The following UGT2B15 variants were observed in gnomAD, a reference collection of about 807,000 sequenced individuals.
UGT2B15 encodes the protein UDP-glucuronosyltransferase 2B15.
A neutral mutation model predicts 45.9 loss-of-function variants in UGT2B15; 36 were observed. The ratio of observed to expected loss-of-function variants is 0.78; its 90% confidence interval spans 0.60 to 1.04. The LOEUF is 1.04. Among genes scored for constraint, UGT2B15 ranks in the 50% least tolerant of loss-of-function variants. UGT2B15 has a pLI of 0.00. For synonymous variants in UGT2B15, 219 were observed against 216.4 expected, an observed-to-expected ratio of 1.01 and a Z score of -0.11; for missense variants, 617 against 622.4, an observed-to-expected ratio of 0.99 and a Z score of 0.09.
In UGT2B15 at chr4:68,647,099, T is replaced by C. The variant is rs376138126; in HGVS notation, c.*5A>G. 2.5e-6 allele frequency: 4 copies of C among 1,610,154 alleles called. No homozygotes were observed. The highest frequency in any genetic ancestry group is 3.4e-6 in the Non-Finnish European group (4 of 1,177,470). On this transcript the variant is annotated 3_prime_UTR_variant, in exon 6 of 6. Coordinates refer to ENST00000338206, the MANE Select transcript of UGT2B15 (RefSeq NM_001076.4). ...CAGTCATTCCACTTCAGGCTTTTGA[T>C]ATAACTAATCTCTTTTCTTCTTCTT...
intron 5 of UGT2B15, among the ~76,000 whole-genome samples, chr4:68,652,515 AGT>A (rs1732686554): frequency 6.6e-6 from 1 of 151,348 alleles, no homozygotes; most frequent in African/African-American, 2.4e-5. Flanking sequence ...TTTTTGGTAA[AGT>A]GTTTTTAATG....
intron 5 of UGT2B15, among the ~76,000 whole-genome samples, chr4:68,651,754 C>T (rs1732661110): frequency 6.6e-6 from 1 of 152,030 alleles, no homozygotes; most frequent in South Asian, 2.1e-4. Flanking sequence ...GTACCAGTAC[C>T]ATTCTGTTTT....
intron 2 of UGT2B15, among the ~76,000 whole-genome samples, chr4:68,665,779 G>A (rs1733101471): frequency 6.6e-6 from 1 of 152,132 alleles, no homozygotes; most frequent in Non-Finnish European, 1.5e-5. Context: ...AACAACGGAG[G>A]CTCACACTTG....
intron 3 of UGT2B15, among the ~76,000 whole-genome samples, chr4:68,655,591 A>G (rs961722567): frequency 6.6e-6 from 1 of 152,064 alleles, no homozygotes. Flanking sequence ...TCGAGAGGCT[A>G]ATCAGAAACT....
chr4:68,662,367 C>T lies in UGT2B15; in HGVS notation c.1005+641G>A, dbSNP rs2109831244. Among the ~76,000 whole-genome samples the T allele has an allele frequency of 1.3e-5, 2 of 151,178 alleles. 1 individual carries two copies. The highest frequency in any genetic ancestry group is 4.2e-4 in the South Asian group (2 of 4,796). On this transcript the variant is annotated intron_variant, in intron 3 of 5. Coordinates refer to ENST00000338206, the MANE Select transcript of UGT2B15 (RefSeq NM_001076.4). ...TTTTCTGCTTAAGACATTAGCGGCA[C>T]CCAAGTCAGCAGAGCAGACAAGTTT...
chr4:68,650,518 G>A (rs1732622739), intron 5 of UGT2B15, among the ~76,000 whole-genome samples: 2 of 152,010 alleles, frequency 1.3e-5, no homozygotes, highest in Non-Finnish European at 2.9e-5. Flanking sequence ...TAGTGTACAT[G>A]TATCATATTT....
At chr4:68,648,465 A>G (rs575056795) in intron 5 of UGT2B15, among the ~76,000 whole-genome samples, 23 of 152,132 alleles carry the variant, frequency 1.5e-4, no homozygotes, top group African/African-American at 5.3e-4. Context: ...TACCTCTTGG[A>G]GAGTCTTTTC....
chr4:68,662,196 C>T (rs1284619285), intron 3 of UGT2B15, among the ~76,000 whole-genome samples: 2 of 151,884 alleles, frequency 1.3e-5, no homozygotes, highest in Non-Finnish European at 2.9e-5. Flanking sequence ...AAGTTCCTAC[C>T]ATGTTTATTT....
At chr4:68,658,117 A>G (rs1199782834) in intron 3 of UGT2B15, among the ~76,000 whole-genome samples, 1 of 152,082 alleles carries the variant, frequency 6.6e-6, no homozygotes, top group Admixed American at 6.6e-5. Context: ...GAAACAGGTT[A>G]TCAAGAATTT....
At position 68,660,385 on chromosome 4, in the gene UGT2B15, G is replaced by A. The variant is rs191666235; in HGVS notation, c.1005+2623C>T. On this transcript the variant is annotated intron_variant, in intron 3 of 5. Coordinates refer to ENST00000338206, the MANE Select transcript of UGT2B15 (RefSeq NM_001076.4). ...AAGAGGAGAGGAATTCACCCAACTC[G>A]TAGGTATTTGATGGTAGAAATCTAT... 1.2e-3 allele frequency among the ~76,000 whole-genome samples: 181 copies of A among 151,700 alleles called. 1 individual carries two copies. The highest frequency in any genetic ancestry group is 3.8e-3 in the African/African-American group (158 of 41,192).
chr4:68,653,936 A>T, intron 5 of UGT2B15, 101 bp downstream of exon 5: 1 of 1,461,660 alleles, frequency 6.8e-7, no homozygotes, highest in South Asian at 1.3e-5. Context: ...AATCACTTCA[A>T]TCCCTTCAAA....
chr4:68,654,344 A>G lies in UGT2B15; in HGVS notation c.1094-88T>C, dbSNP rs577170421. On this transcript the variant is annotated intron_variant, in intron 4 of 5. Transcript: ENST00000338206. ...GCACAATATAAGGAACTTAAAGCAAAACTGTTCCCTAGGTAACATTATACC... is the reference window on the plus strand; with the variant it reads ...GCACAATATAAGGAACTTAAAGCAAGACTGTTCCCTAGGTAACATTATACC... 50 of 1,369,748 alleles carry G rather than the reference A, an allele frequency of 3.7e-5. No individual in the cohort carries two copies. The South Asian group carries it at 7.2e-4, about 20-fold the overall frequency. 84.8% of individuals were successfully genotyped at this position (1,369,748 alleles called of 1,614,324 possible). A position where few individuals can be genotyped will look rare whatever the true frequency, so the allele number is the denominator to read the frequency against.
intron 3 of UGT2B15, among the ~76,000 whole-genome samples, chr4:68,661,955 C>G (rs1452444164): frequency 6.6e-6 from 1 of 152,012 alleles, no homozygotes; most frequent in Non-Finnish European, 1.5e-5. Context: ...CAGCTATAGC[C>G]AGTCATTACC....
chr4:68,651,653 T>C (rs763788694), intron 5 of UGT2B15, among the ~76,000 whole-genome samples: 49 of 152,120 alleles, frequency 3.2e-4, no homozygotes, highest in Admixed American at 1.6e-3. Context: ...TTGCTTGTTT[T>C]TGTCAGGTTT....
At chr4:68,648,583 T>C (rs6817732) in intron 5 of UGT2B15, among the ~76,000 whole-genome samples, 52,749 of 151,788 alleles carry the variant, frequency 0.35, 9,408 homozygotes, top group East Asian at 0.53. Flanking sequence ...CAGTAAAACT[T>C]CAAGTATGAA....
At chr4:68,666,632 T>C (rs1733128252) in intron 2 of UGT2B15, among the ~76,000 whole-genome samples, 1 of 151,840 alleles carries the variant, frequency 6.6e-6, no homozygotes, top group Non-Finnish European at 1.5e-5. Context: ...ATTGGGAATA[T>C]TGGGATTTTT....
Position 68,647,036 on chromosome 4 carries a change from A to T in UGT2B15, c.*68T>A, listed in dbSNP as rs1418808659. 1 of 1,535,588 alleles carries T rather than the reference A, an allele frequency of 6.5e-7. No individual in the cohort carries two copies. The highest frequency in any genetic ancestry group is 1.4e-5 in the African/African-American group (1 of 72,194). On this transcript the variant is annotated 3_prime_UTR_variant, in exon 6 of 6. Coordinates refer to ENST00000338206, the MANE Select transcript of UGT2B15 (RefSeq NM_001076.4). ...AGGAAAAAGGAAATCCTCCATTTAA[A>T]ACCCTCCATGCTGAAATAAAGGAGG...
intron 3 of UGT2B15, among the ~76,000 whole-genome samples, chr4:68,657,780 A>G (rs1255880493): frequency 6.6e-6 from 1 of 152,040 alleles, no homozygotes; most frequent in Non-Finnish European, 1.5e-5. Flanking sequence ...AAACCACACT[A>G]TGGATTCAAC....
chr4:68,650,594 G>A (rs531321536), intron 5 of UGT2B15, among the ~76,000 whole-genome samples: 12 of 152,188 alleles, frequency 7.9e-5, no homozygotes, highest in East Asian at 3.9e-4. Flanking sequence ...TGTAGATAGC[G>A]CTGCAATAGA....
Sources: gnomAD v4.1 joint callset for allele counts (sites outside exome capture counted in the v4.1 genomes callset) on GRCh38, gnomAD v4.1.1 for gene constraint, MANE v1.5 for transcripts, NCBI Gene and HGNC (gene_info 2026-07-23, HGNC 2026-07-21) for gene names.